HPSE2: variants seen among roughly 807,000 people sequenced by gnomAD.
The protein encoded by HPSE2 is inactive heparanase-2.
Under a neutral mutation model 60.5 loss-of-function variants are expected in HPSE2, and 38 were observed. That is an observed-to-expected ratio of 0.63 (90% CI 0.48 to 0.82). The LOEUF is 0.82. Among genes scored for constraint, HPSE2 ranks in the 40% least tolerant of loss-of-function variants. HPSE2 has a pLI of 0.00. For missense variants in HPSE2, 713 were observed against 740.4 expected (o/e 0.96, Z 0.43); for synonymous variants, 295 against 293.2 (o/e 1.01, Z -0.06).
At chr10:98,600,843 T>TAC (rs1265052079) in intron 9 of HPSE2, among the ~76,000 whole-genome samples, 7 of 145,386 alleles carry the variant, frequency 4.8e-5, no homozygotes, top group South Asian at 4.3e-4. Context: ...AAGATATATA[T>TAC]ACACACACAT....
intron 4 of HPSE2, among the ~76,000 whole-genome samples, chr10:98,729,261 A>T (rs762926781): frequency 2.0e-5 from 3 of 152,176 alleles, no homozygotes; most frequent in Non-Finnish European, 4.4e-5. Flanking sequence ...AATATGAGAC[A>T]TATTTCAGAT....
chr10:98,593,291 G>T (rs1470389855), intron 9 of HPSE2, among the ~76,000 whole-genome samples: 1 of 152,184 alleles, frequency 6.6e-6, no homozygotes, highest in East Asian at 1.9e-4. Flanking sequence ...TATGTTGTGG[G>T]TAATTAAGAG....
At chr10:98,522,914 C>A (rs1942845414) in intron 9 of HPSE2, among the ~76,000 whole-genome samples, 1 of 152,100 alleles carries the variant, frequency 6.6e-6, no homozygotes, top group South Asian at 2.1e-4. Flanking sequence ...ACTGGCAAGC[C>A]CACACTGCCA....
At chr10:99,168,539 ATTTAC>A (rs917926509) in intron 2 of HPSE2, among the ~76,000 whole-genome samples, 1 of 152,060 alleles carries the variant, frequency 6.6e-6, no homozygotes, top group African/African-American at 2.4e-5. Flanking sequence ...TTACATTTTT[ATTTAC>A]TTTACCTTTC....
At chr10:98,874,787 C>T (rs953575873) in intron 3 of HPSE2, among the ~76,000 whole-genome samples, 2 of 151,938 alleles carry the variant, frequency 1.3e-5, no homozygotes, top group Admixed American at 6.6e-5. Flanking sequence ...TATGTTCCAT[C>T]AATATCAGTT....
At chr10:99,283,224 A>G in the HPSE2 span, among the ~76,000 whole-genome samples, 1 of 148,228 alleles carries the variant, frequency 6.7e-6, no homozygotes, top group African/African-American at 2.5e-5. Context: ...AAACAGAAGG[A>G]TTTCAAATCA....
the HPSE2 span, among the ~76,000 whole-genome samples, chr10:99,275,006 G>C: frequency 6.6e-6 from 1 of 152,130 alleles, no homozygotes; most frequent in African/African-American, 2.4e-5. Flanking sequence ...GAACTGCAAG[G>C]TACCTAAGAA....
chr10:99,037,614 TTTATA>T (rs1180208327), intron 3 of HPSE2, among the ~76,000 whole-genome samples: 4 of 151,808 alleles, frequency 2.6e-5, no homozygotes, highest in African/African-American at 9.7e-5. Context: ...AGAATTGTGA[TTTATA>T]AGAAGGAGAA....
At chr10:98,868,051 C>A (rs1952635210) in intron 3 of HPSE2, among the ~76,000 whole-genome samples, 1 of 148,756 alleles carries the variant, frequency 6.7e-6, no homozygotes, top group Admixed American at 6.8e-5. Flanking sequence ...GACAGAGACT[C>A]CATCTCCACA....
chr10:99,153,453 C>G (rs1345310447), intron 2 of HPSE2, among the ~76,000 whole-genome samples: 6 of 152,192 alleles, frequency 3.9e-5, no homozygotes, highest in African/African-American at 1.4e-4. Context: ...CCCTGACCCC[C>G]GAGCAGCCTA....
chr10:98,825,612 G>C (rs996870340), intron 3 of HPSE2, among the ~76,000 whole-genome samples: 3 of 151,296 alleles, frequency 2.0e-5, no homozygotes, highest in African/African-American at 7.3e-5. Flanking sequence ...CCCGGGGTTG[G>C]GGGGGCGGGG....
At chr10:99,101,733 AG>A (rs1232747431) in intron 3 of HPSE2, among the ~76,000 whole-genome samples, 4 of 152,236 alleles carry the variant, frequency 2.6e-5, no homozygotes, top group Admixed American at 2.0e-4. Context: ...CATAGTTGGA[AG>A]TAAAGCACTC....
intron 3 of HPSE2, among the ~76,000 whole-genome samples, chr10:99,111,823 A>C (rs11189972): frequency 6.6e-6 from 1 of 152,036 alleles, no homozygotes; most frequent in South Asian, 2.1e-4. Flanking sequence ...CCTTTATGAA[A>C]AGCCCTTTAA....
At chr10:98,821,775 G>T (rs919355608) in intron 3 of HPSE2, among the ~76,000 whole-genome samples, 2 of 152,106 alleles carry the variant, frequency 1.3e-5, no homozygotes, top group East Asian at 3.8e-4. Context: ...ACTTCCCTCT[G>T]CCTTGGCTAT....
intron 3 of HPSE2, among the ~76,000 whole-genome samples, chr10:98,854,820 A>C (rs1952269321): frequency 6.6e-6 from 1 of 152,202 alleles, no homozygotes; most frequent in South Asian, 2.1e-4. Flanking sequence ...AAGGTATTTT[A>C]AACCACTGAG....
At chr10:98,517,459 C>T (rs910889573) in intron 9 of HPSE2, among the ~76,000 whole-genome samples, 2 of 152,158 alleles carry the variant, frequency 1.3e-5, no homozygotes, top group Non-Finnish European at 2.9e-5. Context: ...TCAGAGAGTA[C>T]CTCGTAAATA....
chr10:98,463,841 G>T (rs1397188853), intron 11 of HPSE2, among the ~76,000 whole-genome samples: 10 of 152,052 alleles, frequency 6.6e-5, no homozygotes, highest in Non-Finnish European at 1.5e-4. Flanking sequence ...TTTTCAGGCC[G>T]AGTGCGGTGG....
chr10:98,729,930 T>A (rs1949187262), intron 4 of HPSE2, among the ~76,000 whole-genome samples: 1 of 152,020 alleles, frequency 6.6e-6, no homozygotes, highest in Non-Finnish European at 1.5e-5. Context: ...TAATAATAGA[T>A]GAAACGACTG....
chr10:98,570,078 T>C (rs981234419), intron 9 of HPSE2, among the ~76,000 whole-genome samples: 1 of 152,178 alleles, frequency 6.6e-6, no homozygotes, highest in African/African-American at 2.4e-5. Flanking sequence ...TCCACTCTAT[T>C]CTGGCCAGCT....
Sources: allele counts gnomAD v4.1 joint callset (sites outside exome capture counted in the v4.1 genomes callset), GRCh38; gene constraint gnomAD v4.1.1; transcripts MANE v1.5; gene names NCBI Gene and HGNC (gene_info 2026-07-23, HGNC 2026-07-21).